The following NXPE2 variants were observed in gnomAD, a reference collection of about 807,000 sequenced individuals.
The protein encoded by NXPE2 is neurexophilin and PC-esterase domain family member 2, also known as NXPE family member 2.
Under a neutral mutation model 34.4 loss-of-function variants are expected in NXPE2, and 34 were observed. The observed-to-expected ratio is 0.99, with a 90% CI of 0.75 to 1.31. The LOEUF (loss-of-function observed/expected upper bound fraction) is 1.31. Ranked by LOEUF, NXPE2 falls within the 40% of genes most tolerant of loss-of-function variation. The probability of loss-of-function intolerance (pLI) is 0.00; values close to 1 mark genes in which losing one functional copy is unlikely to be tolerated. For synonymous variants in NXPE2, 235 were observed against 231.3 expected (o/e 1.02, Z -0.15); for missense variants, 649 against 672.5 (o/e 0.97, Z 0.39).
chr11:114,599,663 G>A, the NXPE2 span, among the ~76,000 whole-genome samples: 4 of 152,108 alleles, frequency 2.6e-5, no homozygotes, highest in African/African-American at 9.7e-5. Context: ...AAGGCAAAGT[G>A]GGAGCAGGTG....
the NXPE2 span, among the ~76,000 whole-genome samples, chr11:114,627,970 C>T: frequency 6.6e-6 from 1 of 152,048 alleles, no homozygotes; most frequent in Non-Finnish European, 1.5e-5. Context: ...GAAGAGCTAA[C>T]TATCCTAAAT....
At chr11:114,497,561 A>G in the NXPE2 span, among the ~76,000 whole-genome samples, 1 of 152,364 alleles carries the variant, frequency 6.6e-6, no homozygotes, top group Admixed American at 6.5e-5. Context: ...ACAGTATTCA[A>G]TACGATAAAT....
chr11:114,501,305 C>T, the NXPE2 span, among the ~76,000 whole-genome samples: 793 of 152,244 alleles, frequency 5.2e-3, 4 homozygotes, highest in African/African-American at 0.018. Flanking sequence ...AATTTGGAAG[C>T]CATTGCTCTA....
chr11:114,767,542 C>G, the NXPE2 span, among the ~76,000 whole-genome samples: 1 of 152,142 alleles, frequency 6.6e-6, no homozygotes, highest in African/African-American at 2.4e-5. Context: ...TATGTCTATC[C>G]AATAGCAAAA....
At chr11:114,594,179 T>TA in the NXPE2 span, among the ~76,000 whole-genome samples, 4 of 152,076 alleles carry the variant, frequency 2.6e-5, no homozygotes, top group Non-Finnish European at 5.9e-5. Flanking sequence ...TAAAAGAGTA[T>TA]AATTGTCTTG....
chr11:114,585,033 C>T, the NXPE2 span, among the ~76,000 whole-genome samples: 1 of 152,084 alleles, frequency 6.6e-6, no homozygotes, highest in Non-Finnish European at 1.5e-5. Context: ...GCCTTTATTG[C>T]ACCTTCTAAA....
At chr11:114,634,889 A>G in the NXPE2 span, among the ~76,000 whole-genome samples, 3 of 151,992 alleles carry the variant, frequency 2.0e-5, no homozygotes, top group East Asian at 5.8e-4. Context: ...GTTTGAAGTC[A>G]GGTAGTGTGA....
At chr11:114,573,726 T>C in the NXPE2 span, among the ~76,000 whole-genome samples, 3 of 151,742 alleles carry the variant, frequency 2.0e-5, no homozygotes, top group South Asian at 2.1e-4. Flanking sequence ...ACATTACTAA[T>C]AGACCAAAAA....
chr11:114,805,374 C>A, the NXPE2 span, among the ~76,000 whole-genome samples: 1 of 152,012 alleles, frequency 6.6e-6, no homozygotes, highest in Non-Finnish European at 1.5e-5. Flanking sequence ...ATGCACGAGC[C>A]GAAGCAGGGC....
At chr11:114,749,826 T>C in the NXPE2 span, among the ~76,000 whole-genome samples, 1 of 152,098 alleles carries the variant, frequency 6.6e-6, no homozygotes, top group East Asian at 1.9e-4. Context: ...GTAAACCTCC[T>C]TCCACGTGGA....
the NXPE2 span, among the ~76,000 whole-genome samples, chr11:114,601,692 AT>A: frequency 7.0e-5 from 5 of 71,758 alleles, no homozygotes; most frequent in African/African-American, 1.7e-4. Flanking sequence ...GATTATATAT[AT>A]TTATAATTCT....
At chr11:114,811,458 G>T in the NXPE2 span, among the ~76,000 whole-genome samples, 5 of 152,198 alleles carry the variant, frequency 3.3e-5, no homozygotes, top group Non-Finnish European at 7.3e-5. Context: ...TGATCATGAA[G>T]AAGAGAAAAT....
At chr11:114,631,228 G>A in the NXPE2 span, among the ~76,000 whole-genome samples, 17 of 152,004 alleles carry the variant, frequency 1.1e-4, no homozygotes, top group South Asian at 2.9e-3. Flanking sequence ...GCACACATAT[G>A]TTTATTGCGG....
chr11:114,713,616 C>T, the NXPE2 span, among the ~76,000 whole-genome samples: 1 of 152,138 alleles, frequency 6.6e-6, no homozygotes, highest in South Asian at 2.1e-4. Context: ...TATAGGTGGA[C>T]CAGTGCAGTT....
chr11:114,479,180 T>C, the NXPE2 span, among the ~76,000 whole-genome samples: 23 of 152,196 alleles, frequency 1.5e-4, no homozygotes, highest in African/African-American at 5.5e-4. Context: ...TTTAACAAGC[T>C]CCTCTTGTTC....
In NXPE2 at chr11:114,706,923, T is replaced by C. The variant is rs1352014307; in HGVS notation, c.1673T>C (p.Ile558Thr). ...CAGATTGGCATGTTCTTAAACTACA[T>C]TTGTTAGAGGAAAAATACAAAAATA... ...QNQIGMFLNY[I>T]C is the part of the protein sequence containing the mutation. The change falls in exon 6 of 6, where the codon ATT becomes ACT. Residue 558 changes from isoleucine to threonine, a missense_variant. Physicochemically the swap from Ile to Thr is moderately conservative, Grantham distance 89. Transcript: ENST00000389586. 2.6e-6 allele frequency: 4 copies of C among 1,541,620 alleles called. No homozygotes were observed. Among genetic ancestry groups the C allele is most frequent in the Admixed American group, 2.0e-5 (1 of 50,348 alleles).
At chr11:114,725,362 G>T in the NXPE2 span, among the ~76,000 whole-genome samples, 2 of 152,050 alleles carry the variant, frequency 1.3e-5, no homozygotes, top group Admixed American at 1.3e-4. Context: ...CTTTGACCTA[G>T]TTAAAGCTTC....
the NXPE2 span, among the ~76,000 whole-genome samples, chr11:114,741,628 A>G: frequency 4.6e-5 from 7 of 152,054 alleles, no homozygotes; most frequent in African/African-American, 1.4e-4. Flanking sequence ...TATTTCATTC[A>G]TTATATTCTT....
At chr11:114,783,470 G>A in the NXPE2 span, among the ~76,000 whole-genome samples, 5 of 152,106 alleles carry the variant, frequency 3.3e-5, no homozygotes, top group Non-Finnish European at 5.9e-5. Context: ...AAATATGACC[G>A]AAAGAGCCAT....
Sources: gnomAD v4.1 joint callset for allele counts (sites outside exome capture counted in the v4.1 genomes callset) on GRCh38, gnomAD v4.1.1 for gene constraint, MANE v1.5 for transcripts, NCBI Gene and HGNC (gene_info 2026-07-23, HGNC 2026-07-21) for gene names.